The following DCC variants were observed in gnomAD, a reference collection of about 807,000 sequenced individuals.
DCC encodes the protein netrin receptor DCC.
In DCC, 58 loss-of-function variants were observed where a neutral mutation model predicts 172.5. That is an observed-to-expected ratio of 0.34 (90% CI 0.27 to 0.42). DCC has a LOEUF of 0.42. DCC is among the 10% of genes least tolerant of loss of function. The pLI is 1.00. For missense variants in DCC, 1,740 were observed against 1,791.0 expected (o/e 0.97, Z 0.51); for synonymous variants, 709 against 644.5 (o/e 1.10, Z -1.52).
At chr18:52,444,394 AT>A (rs1177778922) in intron 1 of DCC, among the ~76,000 whole-genome samples, 1 of 152,194 alleles carries the variant, frequency 6.6e-6, no homozygotes, top group Non-Finnish European at 1.5e-5. Context: ...AGCTGAATTT[AT>A]TTTTTTTAGC....
intron 2 of DCC, among the ~76,000 whole-genome samples, chr18:52,812,560 C>A (rs1006839112): frequency 2.0e-5 from 3 of 152,080 alleles, no homozygotes; most frequent in Non-Finnish European, 4.4e-5. Context: ...CATCCAAGTT[C>A]AATTATTTAA....
intron 7 of DCC, among the ~76,000 whole-genome samples, chr18:53,127,422 A>T (rs897184343): frequency 6.6e-6 from 1 of 152,080 alleles, no homozygotes; most frequent in African/African-American, 2.4e-5. Flanking sequence ...GCTGCTCTAC[A>T]TTAAACTGGC....
At chr18:53,156,344 C>G (rs537431761) in intron 7 of DCC, among the ~76,000 whole-genome samples, 1 of 151,524 alleles carries the variant, frequency 6.6e-6, no homozygotes, top group East Asian at 2.0e-4. Context: ...ATTAGCCAGG[C>G]GTGGGGGCAC....
intron 22 of DCC, among the ~76,000 whole-genome samples, chr18:53,435,593 A>G (rs1307030815): frequency 6.6e-6 from 1 of 152,172 alleles, no homozygotes; most frequent in Admixed American, 6.5e-5. Flanking sequence ...AAGGTTGGTT[A>G]AATTGAAACC....
chr18:52,422,122 T>G (rs2144437427), intron 1 of DCC, among the ~76,000 whole-genome samples: 1 of 152,320 alleles, frequency 6.6e-6, no homozygotes, highest in East Asian at 1.9e-4. Flanking sequence ...ATCTTAATTT[T>G]TTTAAGCTTA....
intron 1 of DCC, among the ~76,000 whole-genome samples, chr18:52,684,916 A>T (rs1235549033): frequency 6.6e-6 from 1 of 152,134 alleles, no homozygotes. Flanking sequence ...TTTATAGCTA[A>T]TCTTACCAGT....
chr18:53,439,093 A>G (rs1253122416), intron 22 of DCC, among the ~76,000 whole-genome samples: 1 of 152,204 alleles, frequency 6.6e-6, no homozygotes, highest in Non-Finnish European at 1.5e-5. Flanking sequence ...ATTAAGGTGA[A>G]CTGATAACTT....
intron 2 of DCC, among the ~76,000 whole-genome samples, chr18:52,770,418 C>T (rs924773063): frequency 3.3e-5 from 5 of 152,236 alleles, no homozygotes; most frequent in African/African-American, 9.6e-5. Context: ...TAACTACTAT[C>T]GCATACCATG....
chr18:53,162,931 A>G (rs1001132351), intron 8 of DCC, among the ~76,000 whole-genome samples: 1 of 152,228 alleles, frequency 6.6e-6, no homozygotes, highest in Non-Finnish European at 1.5e-5. Flanking sequence ...TGCTTAGCAC[A>G]TTATAGATAC....
chr18:53,197,537 A>G (rs774316903), intron 9 of DCC, among the ~76,000 whole-genome samples: 8 of 151,292 alleles, frequency 5.3e-5, no homozygotes, highest in Non-Finnish European at 1.0e-4. Context: ...GTTCAACTAC[A>G]TATTCCCTGA....
At chr18:53,452,912 T>A (rs1262932533) in intron 23 of DCC, among the ~76,000 whole-genome samples, 5 of 151,962 alleles carry the variant, frequency 3.3e-5, no homozygotes, top group Non-Finnish European at 7.4e-5. Context: ...TGTTTGTTTG[T>A]TTGTTTGTTT....
At chr18:53,351,694 A>G (rs1443334533) in intron 15 of DCC, among the ~76,000 whole-genome samples, 2 of 151,232 alleles carry the variant, frequency 1.3e-5, no homozygotes, top group Non-Finnish European at 3.0e-5. Context: ...CAAGCATTCA[A>G]AGAATAAAAA....
At chr18:52,442,865 C>T (rs1272406485) in intron 1 of DCC, among the ~76,000 whole-genome samples, 1 of 152,158 alleles carries the variant, frequency 6.6e-6, no homozygotes, top group Non-Finnish European at 1.5e-5. Context: ...CTGCAGGGGC[C>T]AGGCAGTCAT....
chr18:52,678,491 A>G (rs898439), intron 1 of DCC, among the ~76,000 whole-genome samples: 43,969 of 152,104 alleles, frequency 0.29, 8,258 homozygotes, highest in Non-Finnish European at 0.43. Context: ...AAGCAGAACA[A>G]TGAAAAGAGA....
chr18:52,460,296 AT>A (rs1988591785), intron 1 of DCC, among the ~76,000 whole-genome samples: 1 of 151,938 alleles, frequency 6.6e-6, no homozygotes, highest in South Asian at 2.1e-4. Context: ...AAGGTTTCCA[AT>A]TGTCTCCATA....
At chr18:52,530,718 C>A (rs941384207) in intron 1 of DCC, among the ~76,000 whole-genome samples, 1 of 152,118 alleles carries the variant, frequency 6.6e-6, no homozygotes, top group East Asian at 1.9e-4. Flanking sequence ...TATCCCAAAG[C>A]ATTTACTTGG....
intron 5 of DCC, among the ~76,000 whole-genome samples, chr18:53,016,896 G>C (rs1403429853): frequency 6.6e-6 from 1 of 152,098 alleles, no homozygotes; most frequent in Non-Finnish European, 1.5e-5. Flanking sequence ...TATGTTTGCT[G>C]GTTGATAAAG....
intron 7 of DCC, among the ~76,000 whole-genome samples, chr18:53,073,734 A>G (rs1366794775): frequency 6.6e-6 from 1 of 152,028 alleles, no homozygotes; most frequent in Non-Finnish European, 1.5e-5. Context: ...TAAACATTTT[A>G]TTAAGTCAGT....
chr18:52,496,518 T>C (rs1260156255), intron 1 of DCC, among the ~76,000 whole-genome samples: 1 of 152,146 alleles, frequency 6.6e-6, no homozygotes, highest in Non-Finnish European at 1.5e-5. Flanking sequence ...GACTGCTGCC[T>C]GATGAATTTA....
Sources: gnomAD v4.1 joint callset for allele counts (sites outside exome capture counted in the v4.1 genomes callset) on GRCh38, gnomAD v4.1.1 for gene constraint, MANE v1.5 for transcripts, NCBI Gene and HGNC (gene_info 2026-07-23, HGNC 2026-07-21) for gene names.